The following RPAP3 variants were observed in gnomAD, a reference collection of about 807,000 sequenced individuals.
RPAP3 encodes RNA polymerase II-associated protein 3.
A neutral mutation model predicts 88.8 loss-of-function variants in RPAP3; 58 were observed. The ratio of observed to expected loss-of-function variants is 0.65; its 90% CI spans 0.53 to 0.81. RPAP3 has a LOEUF of 0.81. Among genes scored for constraint, RPAP3 ranks in the 40% least tolerant of loss-of-function variants. The pLI, the probability that RPAP3 is intolerant of heterozygous loss-of-function variation, is 0.00. For missense variants in RPAP3, 751 were observed against 764.3 expected (o/e 0.98, Z 0.20); for synonymous variants, 255 against 259.9 (o/e 0.98, Z 0.18).
intron 5 of RPAP3, among the ~76,000 whole-genome samples, chr12:47,693,160 T>C (rs1018120237): frequency 2.0e-5 from 3 of 152,110 alleles, no homozygotes; most frequent in Admixed American, 2.0e-4. Flanking sequence ...GGATTACAGG[T>C]GTGAGCCACC....
intron 6 of RPAP3, 123 bp from the exon 7 acceptor site, chr12:47,689,318 C>T (rs1939384815): frequency 3.8e-6 from 2 of 520,322 alleles, no homozygotes; most frequent in Admixed American, 7.9e-5. Context: ...AAAGGAGAAA[C>T]AAAGAAATAC....
At chr12:47,694,214 G>T (rs773942384) in intron 5 of RPAP3, among the ~76,000 whole-genome samples, 6 of 152,132 alleles carry the variant, frequency 3.9e-5, no homozygotes, top group African/African-American at 1.4e-4. Context: ...AGATAGTGTG[G>T]AATGGATGTA....
At chr12:47,668,874 A>G (rs755771259) in intron 14 of RPAP3, 42 bp downstream of exon 14, 22 of 1,476,454 alleles carry the variant, frequency 1.5e-5, no homozygotes, top group Non-Finnish European at 2.1e-5. Flanking sequence ...AAGTTCTCTG[A>G]CCTTTTACTT....
At chr12:47,691,830 C>G (rs1939435584) in intron 5 of RPAP3, among the ~76,000 whole-genome samples, 1 of 151,970 alleles carries the variant, frequency 6.6e-6, no homozygotes, top group Non-Finnish European at 1.5e-5. Flanking sequence ...ACTGCAACCT[C>G]TGCCTCCCGG....
chr12:47,681,545 C>T lies in RPAP3; in HGVS notation c.1114+151G>A. The T allele has an allele frequency of 6.4e-6, 5 of 784,724 alleles. 1 individual carries two copies. In the South Asian group the frequency reaches 9.8e-5, roughly 15 times the overall value. 48.6% of individuals were successfully genotyped at this position (784,724 alleles called of 1,614,324 possible). On this transcript the variant is annotated intron_variant, in intron 10 of 16. Transcript: ENST00000005386. ...CTGGTACATTGCGGAAGCTGCATTC[C>T]TCCAAATCTATTCGTGATCTAAACT...
intron 9 of RPAP3, among the ~76,000 whole-genome samples, chr12:47,682,747 C>T (rs906309184): frequency 6.6e-6 from 1 of 151,014 alleles, no homozygotes; most frequent in East Asian, 1.9e-4. Context: ...ATCTTGCCCT[C>T]AAAACAAAAT....
chr12:47,702,915 CT>C lies in RPAP3; in HGVS notation c.-6-70del. 2.3e-6 allele frequency: 3 copies of C among 1,323,456 alleles called. No individual in the cohort carries two copies. The South Asian group carries it at 4.9e-5, about 22-fold the overall frequency. The allele number at this position is 1,323,456 out of a possible 1,614,324, so 82.0% of individuals were successfully genotyped here. A position where few individuals can be genotyped will look rare whatever the true frequency, so the allele number is the denominator to read the frequency against. The stretch of plus-strand genomic sequence containing the variant: ...TTTGGTTTATTTTTCTGAAAGCTAG[CT>C]AATTATCTTTTACCACTTCATAAGT... On this transcript the variant is annotated intron_variant, in intron 1 of 16. Coordinates refer to ENST00000005386, the MANE Select transcript of RPAP3 (RefSeq NM_024604.3).
At chr12:47,696,709 A>G (rs1939534399) in intron 4 of RPAP3, among the ~76,000 whole-genome samples, 1 of 152,214 alleles carries the variant, frequency 6.6e-6, no homozygotes, top group Non-Finnish European at 1.5e-5. Context: ...ATAAATACAC[A>G]TTCTCTTCCT....
intron 13 of RPAP3, among the ~76,000 whole-genome samples, chr12:47,669,513 A>G (rs1938953600): frequency 6.6e-6 from 1 of 152,198 alleles, no homozygotes; most frequent in Non-Finnish European, 1.5e-5. Context: ...CATGATCTAT[A>G]CTATCACTTT....
chr12:47,686,237 G>A (rs1294145620), intron 9 of RPAP3, among the ~76,000 whole-genome samples: 2 of 152,146 alleles, frequency 1.3e-5, no homozygotes, highest in Non-Finnish European at 2.9e-5. Flanking sequence ...GAAAAAGCTG[G>A]TTAATATAGG....
chr12:47,693,505 G>GA (rs1184123192), intron 5 of RPAP3, among the ~76,000 whole-genome samples: 20 of 152,214 alleles, frequency 1.3e-4, no homozygotes, highest in Admixed American at 1.3e-3. Flanking sequence ...TGACTTGCCT[G>GA]ATATAAGGTT....
chr12:47,687,922 A>G lies in RPAP3; in HGVS notation c.818T>C (p.Ile273Thr), dbSNP rs759673181. The change falls in exon 8 of 17, where the codon ATT becomes ACT. Residue 273 changes from isoleucine (I) to threonine (T), a missense_variant. By Grantham distance (89) the Ile-to-Thr change is moderately conservative. Coordinates refer to ENST00000005386, the MANE Select transcript of RPAP3 (RefSeq NM_024604.3). ...IKSTEGERKQ[I>T]EAQQNKQQAI... ...CTGCTGCTTATTCTGTTGTGCTTCA[A>G]TTTGCTTTCGCTCTCCTTCTGTTGA... The G allele has an allele frequency of 3.1e-6, 5 of 1,613,514 alleles. No individual in the cohort carries two copies. Among genetic ancestry groups the G allele is most frequent in the South Asian group, 1.1e-5 (1 of 91,058 alleles).
intron 12 of RPAP3, among the ~76,000 whole-genome samples, chr12:47,673,922 T>C (rs2136614124): frequency 6.6e-6 from 1 of 152,196 alleles, no homozygotes; most frequent in South Asian, 2.1e-4. Flanking sequence ...CTATAAAATG[T>C]AAAACTGCTT....
Position 47,667,033 on chromosome 12 carries a change from T to C in RPAP3, c.1859A>G (p.Glu620Gly). The C allele has an allele frequency of 6.5e-7, 1 of 1,527,586 alleles. No individual in the cohort carries two copies. The highest frequency in any genetic ancestry group is 2.5e-5 in the East Asian group (1 of 39,690). The allele number at this position is 1,527,586 out of a possible 1,614,324, so 94.6% of individuals were successfully genotyped here. A position where few individuals can be genotyped will look rare whatever the true frequency, so the allele number is the denominator to read the frequency against. Residue 620 changes from glutamate (E) to glycine (G), a missense_variant, in exon 16 of 17, where the codon GAA (glutamate) becomes GGA (glycine). Glu to Gly is a moderately conservative substitution (Grantham distance 98, BLOSUM62 -2). Coordinates refer to ENST00000005386, the MANE Select transcript of RPAP3 (RefSeq NM_024604.3). ...LIFEILQRLS[E>G]LKRFDMAVMF... is the part of the protein sequence containing the mutation. ...CACTGCCATATCAAACCTTTTTAGT[T>C]CAGAAAGTCTTTGTAAGATTTCAAA... is the stretch of plus-strand genomic sequence containing the variant.
At chr12:47,694,001 T>C (rs1939476502) in intron 5 of RPAP3, among the ~76,000 whole-genome samples, 2 of 152,226 alleles carry the variant, frequency 1.3e-5, no homozygotes, top group African/African-American at 4.8e-5. Context: ...AATATGATTC[T>C]CTCCAGACTG....
rs1461483038 is a variant in RPAP3 at position 47,701,574 on chromosome 12, T to TA, written c.183dup (p.Arg62Ter). 6.3e-7 allele frequency: 1 copy of TA among 1,592,176 alleles called. No individual in the cohort carries two copies. The highest frequency in any genetic ancestry group is 1.2e-5 in the South Asian group (1 of 85,512). On this transcript the variant is annotated frameshift_variant, in exon 3 of 17. Transcript: ENST00000005386. LOFTEE classifies it high-confidence loss of function. ...TTAGCTTTGCCTTTCTTCTTTTTCC[T>TA]AAAATTCCCATTTCGAATAGGAGGT... is the stretch of plus-strand genomic sequence containing the variant.
intron 14 of RPAP3, among the ~76,000 whole-genome samples, 179 bp from the exon 15 acceptor site, chr12:47,668,030 A>C (rs1161375877): frequency 1.3e-5 from 2 of 152,132 alleles, no homozygotes; most frequent in Non-Finnish European, 2.9e-5. Flanking sequence ...CCCCATCTCC[A>C]CTAAAAATAC....
intron 1 of RPAP3, among the ~76,000 whole-genome samples, chr12:47,703,225 C>G (rs1939692507): frequency 1.3e-5 from 2 of 152,076 alleles, no homozygotes; most frequent in Non-Finnish European, 2.9e-5. Flanking sequence ...GGCCCTGAAT[C>G]AAGATTTAGG....
At position 47,662,357 on chromosome 12, in the gene RPAP3, C is replaced by T. The variant is rs774831998; in HGVS notation, c.*1148G>A. The T allele has an allele frequency of 6.6e-6, 1 of 152,160 alleles. No individual in the cohort carries two copies. Among genetic ancestry groups the T allele is most frequent in the Admixed American group, 6.5e-5 (1 of 15,282 alleles). The allele number at this position is 152,160 out of a possible 1,614,324, so 9.4% of individuals were successfully genotyped here. A position where few individuals can be genotyped will look rare whatever the true frequency, so the allele number is the denominator to read the frequency against. ...GCATTCAAACTATCCAAATTACAAA[C>T]ATATCTCAATAATTTATACCACAAT... On this transcript the variant is annotated 3_prime_UTR_variant, in exon 17 of 17. Transcript: ENST00000005386.
Sources: allele counts gnomAD v4.1 joint callset (sites outside exome capture counted in the v4.1 genomes callset), GRCh38; gene constraint gnomAD v4.1.1; transcripts MANE v1.5; gene names NCBI Gene and HGNC (gene_info 2026-07-23, HGNC 2026-07-21).